Variants in CPED1 observed in about 807,000 individuals in gnomAD.
CPED1 encodes cadherin like and PC-esterase domain containing 1, also known as cadherin-like and PC-esterase domain-containing protein 1.
CPED1 carries 114 observed loss-of-function variants against 128.2 expected under a neutral mutation model. That is an observed-to-expected ratio of 0.89 (90% CI 0.76 to 1.04). The LOEUF (loss-of-function observed/expected upper bound fraction) is 1.04. Ranked by LOEUF, CPED1 falls within the 50% of genes least tolerant of loss-of-function variation. The probability of loss-of-function intolerance (pLI) is 0.00; values close to 1 mark genes in which losing one functional copy is unlikely to be tolerated. For missense variants in CPED1, 1,211 were observed against 1,207.1 expected (o/e 1.00, Z -0.05); for synonymous variants, 462 against 426.7 (o/e 1.08, Z -1.02).
chr7:121,081,446 A>G (rs767165399), intron 5 of CPED1, among the ~76,000 whole-genome samples: 12 of 152,166 alleles, frequency 7.9e-5, no homozygotes, highest in Non-Finnish European at 1.3e-4. Context: ...AGAAAACCCC[A>G]TTCAAATCCT....
At position 120,989,577 on chromosome 7, in the gene CPED1, C is replaced by T. The variant is rs767046266; in HGVS notation, c.-45C>T. The T allele has an allele frequency of 2.5e-6, 4 of 1,601,520 alleles. No homozygotes were observed. The African/African-American group carries it at 4.1e-5, about 16-fold the overall frequency. ...TGCTGACAAAAAATAGCTGCTATGA[C>T]TTTTCCCGCAACGTGGACAGGGGCC... On this transcript the variant is annotated 5_prime_UTR_variant, in exon 2 of 23. Coordinates refer to ENST00000310396, the MANE Select transcript of CPED1 (RefSeq NM_024913.5).
At chr7:121,258,528 C>A (rs948653594) in intron 18 of CPED1, among the ~76,000 whole-genome samples, 1 of 152,102 alleles carries the variant, frequency 6.6e-6, no homozygotes, top group Middle Eastern at 3.4e-3. Context: ...TAGAAAAATA[C>A]GGATATTTAT....
intron 18 of CPED1, among the ~76,000 whole-genome samples, chr7:121,249,218 G>T (rs6942652): frequency 1.3e-5 from 2 of 151,894 alleles, no homozygotes; most frequent in Non-Finnish European, 2.9e-5. Flanking sequence ...ATTCCTGAGA[G>T]GGGAGAGATA....
At chr7:121,139,854 A>G (rs1229938661) in intron 14 of CPED1, among the ~76,000 whole-genome samples, 1 of 152,092 alleles carries the variant, frequency 6.6e-6, no homozygotes, top group Non-Finnish European at 1.5e-5. Context: ...ATGTTGTTAA[A>G]TGTCACTGAA....
intron 17 of CPED1, among the ~76,000 whole-genome samples, chr7:121,240,179 G>A (rs1798357605): frequency 6.6e-6 from 1 of 152,136 alleles, no homozygotes; most frequent in Admixed American, 6.6e-5. Flanking sequence ...ATGTGCATGC[G>A]ATTTCATGTC....
At chr7:121,063,454 A>G (rs1405230615) in intron 4 of CPED1, among the ~76,000 whole-genome samples, 1 of 143,580 alleles carries the variant, frequency 7.0e-6, no homozygotes, top group Admixed American at 7.3e-5. Flanking sequence ...CCCTGTTTCC[A>G]GTTGCCTCTC....
At chr7:121,061,123 C>A (rs778427355) in intron 4 of CPED1, 4 of 213,956 alleles carry the variant, frequency 1.9e-5, no homozygotes, top group Non-Finnish European at 3.2e-5. Flanking sequence ...AGAACTGTAA[C>A]ACTCACTGTG....
chr7:121,292,147 A>T (rs1792716037), intron 22 of CPED1, among the ~76,000 whole-genome samples: 1 of 152,020 alleles, frequency 6.6e-6, no homozygotes, highest in East Asian at 1.9e-4. Flanking sequence ...CAGGTACACC[A>T]ATCAAATGTA....
At chr7:121,253,748 C>CA (rs537084213) in intron 18 of CPED1, among the ~76,000 whole-genome samples, 23 of 151,536 alleles carry the variant, frequency 1.5e-4, no homozygotes, top group Admixed American at 1.2e-3. Context: ...ACCATACAAA[C>CA]AAAAAAGAGC....
intron 18 of CPED1, chr7:121,261,975 A>G (rs896250779): frequency 3.1e-5 from 12 of 393,308 alleles, no homozygotes; most frequent in East Asian, 1.3e-4. Context: ...GTGATCCCCA[A>G]TGTTGGAAGT....
intron 19 of CPED1, 40 bp downstream of exon 19, chr7:121,266,487 G>C (rs1215996692): frequency 6.6e-7 from 1 of 1,504,194 alleles, no homozygotes; most frequent in Non-Finnish European, 9.3e-7. Flanking sequence ...AACCCACAAA[G>C]TACTGATGTT....
chr7:121,295,355 A>T, intron 22 of CPED1, 85 bp from the exon 23 acceptor site: 1 of 1,461,434 alleles, frequency 6.8e-7, no homozygotes, highest in Non-Finnish European at 9.2e-7. Flanking sequence ...TGTGGCAGAG[A>T]TGCATGTTCA....
chr7:121,016,833 G>A (rs1414400496), intron 3 of CPED1, among the ~76,000 whole-genome samples: 1 of 152,126 alleles, frequency 6.6e-6, no homozygotes, highest in Non-Finnish European at 1.5e-5. Flanking sequence ...TTTATTAAAA[G>A]GGGAGGAGGA....
intron 16 of CPED1, among the ~76,000 whole-genome samples, chr7:121,219,430 G>GA (rs527587427): frequency 2.4e-4 from 36 of 151,888 alleles, no homozygotes; most frequent in Non-Finnish European, 4.9e-4. Flanking sequence ...GGTTGAAAAA[G>GA]AAAAAAACTT....
intron 5 of CPED1, among the ~76,000 whole-genome samples, chr7:121,097,411 G>A (rs753873272): frequency 6.6e-6 from 1 of 152,126 alleles, no homozygotes; most frequent in African/African-American, 2.4e-5. Context: ...AGATCAGCTT[G>A]ATGTTGGACA....
intron 21 of CPED1, among the ~76,000 whole-genome samples, chr7:121,268,376 C>T (rs1038579296): frequency 6.6e-6 from 1 of 152,032 alleles, no homozygotes; most frequent in African/African-American, 2.4e-5. Flanking sequence ...TTCTTCAGCA[C>T]TTACTATGTG....
At chr7:121,013,246 G>A (rs1158321968) in intron 2 of CPED1, among the ~76,000 whole-genome samples, 1 of 152,082 alleles carries the variant, frequency 6.6e-6, no homozygotes, top group Non-Finnish European at 1.5e-5. Context: ...ATGTATTATT[G>A]CTAACATTTA....
intron 2 of CPED1, among the ~76,000 whole-genome samples, chr7:121,007,335 GA>G (rs1792048952): frequency 6.9e-6 from 1 of 144,384 alleles, no homozygotes; most frequent in Admixed American, 7.3e-5. Flanking sequence ...ACCTTTTTCA[GA>G]AAGGCACCGT....
chr7:121,128,555 G>T (rs1462609925), intron 11 of CPED1, 69 bp downstream of exon 11: 1 of 794,334 alleles, frequency 1.3e-6, no homozygotes, highest in East Asian at 2.4e-5. Flanking sequence ...TAAGCTACCT[G>T]ATTTTGACAT....
Sources: gnomAD v4.1 joint callset for allele counts (sites outside exome capture counted in the v4.1 genomes callset) on GRCh38, gnomAD v4.1.1 for gene constraint, MANE v1.5 for transcripts, NCBI Gene and HGNC (gene_info 2026-07-23, HGNC 2026-07-21) for gene names.